The following TVP23A variants were observed in gnomAD, a reference collection of about 807,000 sequenced individuals.
TVP23A encodes the protein trans-golgi network vesicle protein 23 homolog A.
A neutral mutation model predicts 31.7 loss-of-function variants in TVP23A; 21 were observed. The observed-to-expected ratio is 0.66, with a 90% CI of 0.47 to 0.95. The LOEUF (loss-of-function observed/expected upper bound fraction) is 0.95. TVP23A is among the 40% of genes least tolerant of loss of function. The probability of loss-of-function intolerance (pLI) is 0.00; values close to 1 mark genes in which losing one functional copy is unlikely to be tolerated. For synonymous variants in TVP23A, 104 were observed against 96.0 expected, an observed-to-expected ratio of 1.08 and a Z score of -0.49; for missense variants, 279 against 255.6, an observed-to-expected ratio of 1.09 and a Z score of -0.62.
intron 2 of TVP23A, among the ~76,000 whole-genome samples, chr16:10,817,676 G>A (rs2034502870): frequency 6.6e-6 from 1 of 152,106 alleles, no homozygotes; most frequent in South Asian, 2.1e-4. Flanking sequence ...CATAGCCCCA[G>A]GGCCTTTGCG....
At chr16:10,761,956 G>A, downstream of TVP23A, 1 of 929,168 alleles carries the variant, frequency 1.1e-6, no homozygotes, top group Non-Finnish European at 1.7e-6. Flanking sequence ...AGGGGCAATG[G>A]AAGGAGGAGG....
chr16:10,763,394 C>G (rs79813851), downstream of TVP23A: 3,638 of 152,380 alleles, frequency 0.024, 155 homozygotes, highest in African/African-American at 0.083. Context: ...GGGAACAGCC[C>G]GGGAGAACGC....
Position 10,779,546 on chromosome 16 carries a change from T to G in TVP23A, c.90-4450A>C, listed in dbSNP as rs2032292087. 6.6e-6 allele frequency among the ~76,000 whole-genome samples: 1 copy of G among 152,126 alleles called. No homozygotes were observed. The highest frequency in any genetic ancestry group is 2.4e-5 in the African/African-American group (1 of 41,428). On this transcript the variant is annotated intron_variant, in intron 2 of 7. Coordinates refer to ENST00000299866, the MANE Select transcript of TVP23A (RefSeq NM_001079512.4). This position sits in a 1 kb window ranked among gnomAD's most constrained non-coding sequence, Gnocchi z 4.9. ...GGCACCAACCTGGGAGGTTGCCCCT[T>G]GAGAGGCAAACAGCACAGGGGCATG...
intron 6 of TVP23A, among the ~76,000 whole-genome samples, chr16:10,771,350 G>T (rs1037579026): frequency 1.3e-5 from 2 of 151,974 alleles, no homozygotes; most frequent in East Asian, 3.8e-4. Context: ...AGAGCAGCCT[G>T]GGCAACATGG....
intron 2 of TVP23A, among the ~76,000 whole-genome samples, chr16:10,801,402 A>C (rs757176779): frequency 3.9e-5 from 6 of 152,202 alleles, no homozygotes; most frequent in Non-Finnish European, 7.3e-5. Flanking sequence ...TGTCATGAGA[A>C]ATAAAGAAAG....
Position 10,766,959 on chromosome 16 carries a change from T to C in TVP23A, c.*2143A>G. On this transcript the variant is annotated 3_prime_UTR_variant, in exon 8 of 8. Transcript: ENST00000299866. This position sits in a 1 kb window ranked among gnomAD's most constrained non-coding sequence, Gnocchi z 4.8. Reference sequence around the variant, plus strand: ...TATTTTCCTGACTCACTGGGCCATATGGGCTCCCCATCTCCCACCAACCCC... The same window carrying C: ...TATTTTCCTGACTCACTGGGCCATACGGGCTCCCCATCTCCCACCAACCCC... 1 of 398,724 alleles carries C rather than the reference T, an allele frequency of 2.5e-6. No individual in the cohort carries two copies. Among genetic ancestry groups the C allele is most frequent in the Non-Finnish European group, 4.4e-6 (1 of 226,138 alleles). 24.7% of individuals were successfully genotyped at this position (398,724 alleles called of 1,614,324 possible).
chr16:10,778,864 G>A (rs2032247443), intron 2 of TVP23A, among the ~76,000 whole-genome samples: 1 of 152,178 alleles, frequency 6.6e-6, no homozygotes, highest in South Asian at 2.1e-4. Flanking sequence ...TACTTGGGAG[G>A]CTGAGGCAGG....
intron 2 of TVP23A, among the ~76,000 whole-genome samples, chr16:10,783,287 G>A (rs1010501906): frequency 6.6e-6 from 1 of 152,172 alleles, no homozygotes; most frequent in Admixed American, 6.5e-5. Context: ...AGGGTTTACC[G>A]AAGTGAGCTG....
downstream of TVP23A, among the ~76,000 whole-genome samples, chr16:10,758,683 G>T (rs1015754768): frequency 6.6e-6 from 1 of 152,170 alleles, no homozygotes; most frequent in Non-Finnish European, 1.5e-5. Flanking sequence ...GTGTCCATGT[G>T]TCAGGTCCCC....
chr16:10,772,473 G>A (rs994275667), intron 5 of TVP23A, among the ~76,000 whole-genome samples: 7 of 151,708 alleles, frequency 4.6e-5, no homozygotes, highest in African/African-American at 1.7e-4. Context: ...GGGTTCAAGC[G>A]ATTCTCCTGC....
chr16:10,814,873 T>C (rs772385976), intron 2 of TVP23A, among the ~76,000 whole-genome samples: 1 of 151,820 alleles, frequency 6.6e-6, no homozygotes, highest in African/African-American at 2.4e-5. Context: ...TGCTAAGTGC[T>C]GCAGGGTCTG....
At chr16:10,809,513 G>A (rs554277590) in intron 2 of TVP23A, among the ~76,000 whole-genome samples, 5 of 152,374 alleles carry the variant, frequency 3.3e-5, no homozygotes, top group South Asian at 4.1e-4. Flanking sequence ...ATAGTGCTTT[G>A]GCTCTCGCCT....
intron 6 of TVP23A, 55 bp downstream of exon 6, chr16:10,771,615 T>C (rs1420412994): frequency 1.2e-6 from 2 of 1,602,622 alleles, no homozygotes; most frequent in Non-Finnish European, 1.7e-6. Flanking sequence ...GCAGGCCACC[T>C]TGACTTTGAC....
At chr16:10,810,010 A>T (rs1031689983) in intron 2 of TVP23A, among the ~76,000 whole-genome samples, 2 of 152,218 alleles carry the variant, frequency 1.3e-5, no homozygotes, top group African/African-American at 4.8e-5. Flanking sequence ...GAATGGATAA[A>T]CAGAATGTGG....
At chr16:10,799,884 A>T (rs2142996752) in intron 2 of TVP23A, among the ~76,000 whole-genome samples, 1 of 152,232 alleles carries the variant, frequency 6.6e-6, no homozygotes, top group African/African-American at 2.4e-5. Flanking sequence ...CCCGAGACTG[A>T]CTTTCCAGAA....
At chr16:10,797,063 C>G (rs892726716) in intron 2 of TVP23A, among the ~76,000 whole-genome samples, 3 of 147,382 alleles carry the variant, frequency 2.0e-5, no homozygotes, top group Admixed American at 6.7e-5. Flanking sequence ...GGTGGCATGA[C>G]CTGTGGTCTC....
At position 10,777,753 on chromosome 16, in the gene TVP23A, T is replaced by C. The variant is rs2032142779; in HGVS notation, c.90-2657A>G. 6.6e-6 allele frequency among the ~76,000 whole-genome samples: 1 copy of C among 152,192 alleles called. No individual in the cohort carries two copies. Among genetic ancestry groups the C allele is most frequent in the Non-Finnish European group, 1.5e-5 (1 of 68,026 alleles). ...CAAGCCGGGCGTGGTGGCTCACGCC[T>C]GTAATCCCAGCACTTTGGGAGGCTG... On this transcript the variant is annotated intron_variant, in intron 2 of 7. Transcript: ENST00000299866. The surrounding 1 kb of genome is among the most constrained non-coding windows in gnomAD (Gnocchi z 4.5).
Position 10,818,571 on chromosome 16 carries a change from G to C in TVP23A, c.-78C>G, listed in dbSNP as rs978146430. The C allele has an allele frequency of 1.9e-6, 3 of 1,539,468 alleles. No homozygotes were observed. Among genetic ancestry groups the C allele is most frequent in the South Asian group, 1.2e-5 (1 of 83,878 alleles). On this transcript the variant is annotated 5_prime_UTR_variant, in exon 1 of 8. Coordinates refer to ENST00000299866, the MANE Select transcript of TVP23A (RefSeq NM_001079512.4). This position sits in a 1 kb window ranked among gnomAD's most constrained non-coding sequence, Gnocchi z 4.7. ...GTCGCCGCTGAAGGGGTCGGACGCC[G>C]GGCGGGCGGATGTAGGCAGCAGACG...
intron 2 of TVP23A, among the ~76,000 whole-genome samples, chr16:10,795,125 G>T (rs576708152): frequency 6.6e-6 from 1 of 152,254 alleles, no homozygotes; most frequent in African/African-American, 2.4e-5. Context: ...AGTTGCTTGA[G>T]CCCAGGAGTT....
Sources: allele counts gnomAD v4.1 joint callset (sites outside exome capture counted in the v4.1 genomes callset), GRCh38; gene constraint gnomAD v4.1.1; non-coding constraint Gnocchi (gnomAD v3.1); transcripts MANE v1.5; gene names NCBI Gene and HGNC (gene_info 2026-07-23, HGNC 2026-07-21).